FREM1: variants seen among roughly 807,000 people sequenced by gnomAD.
FREM1 encodes FRAS1 related extracellular matrix 1.
In FREM1, 220 loss-of-function variants were observed where a neutral mutation model predicts 210.1. That is an observed-to-expected ratio of 1.05 (90% CI 0.94 to 1.17). FREM1 has a LOEUF of 1.17. Ranked by LOEUF, FREM1 falls within the 50% of genes most tolerant of loss-of-function variation. The pLI is 0.00. For missense variants in FREM1, 3,454 were observed against 2,675.5 expected, an observed-to-expected ratio of 1.29 and a Z score of -6.42; for synonymous variants, 1,189 against 980.2, an observed-to-expected ratio of 1.21 and a Z score of -3.98.
At chr9:14,841,419 G>A (rs141896557) in intron 10 of FREM1, 28 bp downstream of exon 10, 1 of 1,548,744 alleles carries the variant, frequency 6.5e-7, no homozygotes, top group African/African-American at 1.4e-5. Flanking sequence ...ACAAGACTTT[G>A]GGAAAGTGTT....
rs1450417573 is a variant in FREM1, at chr9:14,861,260, C to T, written c.330-1776G>A. On this transcript the variant is annotated intron_variant, in intron 3 of 36. Coordinates refer to ENST00000380880, the MANE Select transcript of FREM1 (RefSeq NM_001379081.2). Reference sequence around the variant, plus strand: ...ATATACACACATATATACATATATACACATATACACATATATACATATATA... The same window carrying T: ...ATATACACACATATATACATATATATACATATACACATATATACATATATA... Among the ~76,000 whole-genome samples, 11 of 85,406 alleles carry T rather than the reference C, an allele frequency of 1.3e-4. 2 individuals are homozygous for T. In the East Asian group the frequency reaches 2.1e-3, roughly 17 times the overall value. 56.0% of individuals were successfully genotyped at this position (85,406 alleles called of 152,430 possible). A position where few individuals can be genotyped will look rare whatever the true frequency, so the allele number is the denominator to read the frequency against.
intron 10 of FREM1, among the ~76,000 whole-genome samples, chr9:14,827,344 T>C (rs897762171): frequency 1.1e-4 from 17 of 152,192 alleles, no homozygotes; most frequent in African/African-American, 3.4e-4. Context: ...AGAACTTGGC[T>C]AAATGGTGCC....
chr9:14,869,044 T>C lies in FREM1; in HGVS notation c.-67A>G. On this transcript the variant is annotated 5_prime_UTR_variant, in exon 2 of 37. Transcript: ENST00000380880. ...CTTTAACAAAGGAGGGCTTCTGTGC[T>C]TCCTCCTGGAGGGTCAGCTCATAGT... 1.7e-6 allele frequency: 2 copies of C among 1,151,406 alleles called. No homozygotes were observed. Among genetic ancestry groups the C allele is most frequent in the Non-Finnish European group, 2.4e-6 (2 of 822,750 alleles). 71.3% of individuals were successfully genotyped at this position (1,151,406 alleles called of 1,614,324 possible).
intron 16 of FREM1, among the ~76,000 whole-genome samples, chr9:14,809,378 G>A (rs1167320902): frequency 1.3e-5 from 2 of 152,008 alleles, no homozygotes; most frequent in Non-Finnish European, 2.9e-5. Flanking sequence ...ATGAACCTAG[G>A]GTACAAAAGA....
In FREM1 at chr9:14,748,542, G is replaced by T. The variant is rs753886592; in HGVS notation, c.5655C>A (p.Thr1885=). The T allele has an allele frequency of 3.1e-6, 5 of 1,613,690 alleles. No homozygotes were observed. Among genetic ancestry groups the T allele is most frequent in the African/African-American group, 1.3e-5 (1 of 74,898 alleles). ...TTTCCAGATGAAAGGAACCAGAAGT[G>T]GTGGATGAGGAAGACCCTGGGGGCA... is the stretch of plus-strand genomic sequence containing the variant. ...HLLPPGSSSS[T]TSGSFHLERR... is the part of the protein sequence containing the mutation. Residue 1885 remains threonine, a synonymous_variant, in exon 31 of 37, where the codon ACC becomes ACA. Transcript: ENST00000380880.
chr9:14,881,569 C>T (rs758153586), intron 1 of FREM1, among the ~76,000 whole-genome samples: 2 of 151,980 alleles, frequency 1.3e-5, no homozygotes, highest in Non-Finnish European at 2.9e-5. Context: ...GCCAAATAAG[C>T]TCCTCTCAGA....
intron 10 of FREM1, among the ~76,000 whole-genome samples, chr9:14,832,340 G>C (rs1458093464): frequency 6.6e-6 from 1 of 152,126 alleles, no homozygotes; most frequent in Non-Finnish European, 1.5e-5. Context: ...TGTAACTTAG[G>C]TATTTGACCG....
intron 1 of FREM1, among the ~76,000 whole-genome samples, chr9:14,895,925 G>A (rs758053296): frequency 2.0e-5 from 3 of 152,054 alleles, no homozygotes; most frequent in East Asian, 3.9e-4. Context: ...AGGGAGGGGG[G>A]AAATGTCAGA....
Position 14,857,414 on chromosome 9 carries a change from G to A in FREM1, c.828+139C>T, listed in dbSNP as rs1443913783. Reference sequence around the variant, plus strand: ...TACTAGCAGAACCAACAAGCCTGCAGTTCCAATGAGTCGCTGGCAGTTTTA... The same window carrying A: ...TACTAGCAGAACCAACAAGCCTGCAATTCCAATGAGTCGCTGGCAGTTTTA... On this transcript the variant is annotated intron_variant, in intron 5 of 36. Transcript: ENST00000380880. The A allele has an allele frequency of 7.6e-6, 6 of 787,654 alleles. No homozygotes were observed. The East Asian group carries it at 9.7e-5, about 13-fold the overall frequency. 48.8% of individuals were successfully genotyped at this position (787,654 alleles called of 1,614,324 possible). A position where few individuals can be genotyped will look rare whatever the true frequency, so the allele number is the denominator to read the frequency against.
Position 14,860,670 on chromosome 9 carries a change from T to TACACACATA in FREM1, c.330-1195_330-1187dup, listed in dbSNP as rs1280473635. The stretch of plus-strand genomic sequence containing the variant: ...ACATATATACACATATATACATATA[T>TACACACATA]ACACACATATATACACATATATACA... On this transcript the variant is annotated intron_variant, in intron 3 of 36. Coordinates refer to ENST00000380880, the MANE Select transcript of FREM1 (RefSeq NM_001379081.2). 2.4e-4 allele frequency among the ~76,000 whole-genome samples: 30 copies of TACACACATA among 125,946 alleles called. 1 individual carries two copies. Among genetic ancestry groups the TACACACATA allele is most frequent in the African/African-American group, 1.0e-3 (30 of 29,288 alleles). 82.6% of individuals were successfully genotyped at this position (125,946 alleles called of 152,430 possible). A position where few individuals can be genotyped will look rare whatever the true frequency, so the allele number is the denominator to read the frequency against.
At chr9:14,894,646 T>C (rs373795841) in intron 1 of FREM1, among the ~76,000 whole-genome samples, 1 of 152,238 alleles carries the variant, frequency 6.6e-6, no homozygotes, top group East Asian at 1.9e-4. Flanking sequence ...ATCCTTTGTT[T>C]TGTTTTTTTA....
At chr9:14,855,828 A>G (rs1828631913) in intron 5 of FREM1, among the ~76,000 whole-genome samples, 2 of 152,188 alleles carry the variant, frequency 1.3e-5, no homozygotes, top group Non-Finnish European at 2.9e-5. Flanking sequence ...CGTATTCAAT[A>G]TAGTAAGAAA....
chr9:14,863,161 G>C (rs1564113218), intron 3 of FREM1, among the ~76,000 whole-genome samples: 1 of 151,844 alleles, frequency 6.6e-6, no homozygotes, highest in East Asian at 1.9e-4. Context: ...CTAACACGGT[G>C]AAACCCTACC....
intron 35 of FREM1, among the ~76,000 whole-genome samples, chr9:14,742,917 C>T (rs904127144): frequency 6.6e-6 from 1 of 152,076 alleles, no homozygotes; most frequent in East Asian, 1.9e-4. Context: ...GGATGAAAAA[C>T]TAAATTCTAT....
intron 2 of FREM1, among the ~76,000 whole-genome samples, chr9:14,864,523 G>A (rs1003641367): frequency 1.3e-5 from 2 of 152,174 alleles, no homozygotes; most frequent in Non-Finnish European, 2.9e-5. Flanking sequence ...AATGGCAGAT[G>A]AGAAAAACAG....
At chr9:14,792,964 A>C (rs1851686754) in intron 21 of FREM1, 80 bp from the exon 22 acceptor site, 6 of 838,762 alleles carry the variant, frequency 7.2e-6, no homozygotes, top group Non-Finnish European at 1.1e-5. Flanking sequence ...TGACTATCAC[A>C]GTTCCCAATC....
At position 14,851,537 on chromosome 9, in the gene FREM1, A is replaced by G. The variant is rs756413711; in HGVS notation, c.899T>C (p.Met300Thr). The G allele has an allele frequency of 2.5e-6, 4 of 1,613,898 alleles. No individual in the cohort carries two copies. The African/African-American group carries it at 5.3e-5, about 22-fold the overall frequency. ...ATCCACTTCCAGAATAAACACGGCC[A>G]TGAATGCAGCCTTTGGAATCTGATT... ...IPNQIPKAAF[M>T]AVFILEVDQF... Residue 300 changes from methionine to threonine, a missense_variant, in exon 6 of 37, where the codon ATG becomes ACG. By Grantham distance (81) the Met-to-Thr change is moderately conservative (BLOSUM62 -1). Transcript: ENST00000380880.
At chr9:14,777,262 C>G (rs904830262) in intron 24 of FREM1, among the ~76,000 whole-genome samples, 10 of 152,122 alleles carry the variant, frequency 6.6e-5, no homozygotes, top group Non-Finnish European at 1.5e-4. Context: ...CCTACTGAAG[C>G]CAATTTCACA....
chr9:14,789,108 T>G lies in FREM1; in HGVS notation c.3988A>C (p.Arg1330=). 6.3e-7 allele frequency: 1 copy of G among 1,583,360 alleles called. No individual in the cohort carries two copies. The highest frequency in any genetic ancestry group is 8.6e-7 in the Non-Finnish European group (1 of 1,163,424). ...QNGQLQLKIG[R]DWVPLSPGMK... ...CCAGGGGAGAGAGGAACCCAGTCCC[T>G]CCCTATCTGGAAGGAGCCAGAGTTA... The change falls in exon 23 of 37, where the codon AGG becomes CGG. Residue 1330 remains arginine (R), a synonymous_variant. Coordinates refer to ENST00000380880, the MANE Select transcript of FREM1 (RefSeq NM_001379081.2).
Sources: gnomAD v4.1 joint callset for allele counts (sites outside exome capture counted in the v4.1 genomes callset) on GRCh38, gnomAD v4.1.1 for gene constraint, MANE v1.5 for transcripts, NCBI Gene and HGNC (gene_info 2026-07-23, HGNC 2026-07-21) for gene names.